GLI3: variants seen among roughly 807,000 people sequenced by gnomAD.
The protein encoded by GLI3 is transcription activator GLI3.
In GLI3, 20 loss-of-function variants were observed where a neutral mutation model predicts 100.8. The observed-to-expected ratio is 0.20, with a 90% confidence interval of 0.14 to 0.29. The LOEUF is 0.29. Ranked by LOEUF, GLI3 falls within the 10% of genes least tolerant of loss-of-function variation. The pLI is 1.00. For missense variants in GLI3, 2,040 were observed against 2,128.5 expected (o/e 0.96, Z 0.82); for synonymous variants, 938 against 860.5 (o/e 1.09, Z -1.58).
chr7:42,108,693 C>T (rs1167953772), intron 3 of GLI3, among the ~76,000 whole-genome samples: 1 of 151,958 alleles, frequency 6.6e-6, no homozygotes, highest in Non-Finnish European at 1.5e-5. Context: ...TAGCATAAGC[C>T]ACACACACAA....
At chr7:41,999,690 G>A (rs886795206) in intron 10 of GLI3, among the ~76,000 whole-genome samples, 4 of 152,200 alleles carry the variant, frequency 2.6e-5, no homozygotes, top group African/African-American at 7.2e-5. Context: ...GCCACTCCTT[G>A]GCGACCTTGA....
chr7:42,182,666 ATATATATATATATATACACATGTGTG>A lies in GLI3; in HGVS notation c.125-34224_125-34199del, dbSNP rs1179766307. On this transcript the variant is annotated intron_variant, in intron 2 of 14. Transcript: ENST00000395925. Reference sequence around the variant, plus strand: ...TGTGTATATATATATATATATATATATATATATATATATATACACATGTGTGTATATATATATACACACATATAAAT... The same window carrying A: ...TGTGTATATATATATATATATATATATATATATATATACACACATATAAAT... Among the ~76,000 whole-genome samples, 253 of 79,134 alleles carry A rather than the reference ATATATATATATATATACACATGTGTG, an allele frequency of 3.2e-3. 2 individuals carry two copies. Among genetic ancestry groups the A allele is most frequent in the Non-Finnish European group, 4.3e-3 (166 of 38,710 alleles). The allele number at this position is 79,134 out of a possible 152,430, so 51.9% of individuals were successfully genotyped here. A position where few individuals can be genotyped will look rare whatever the true frequency, so the allele number is the denominator to read the frequency against.
At chr7:41,980,894 G>A (rs1353250886) in intron 10 of GLI3, among the ~76,000 whole-genome samples, 1 of 152,194 alleles carries the variant, frequency 6.6e-6, no homozygotes, top group Non-Finnish European at 1.5e-5. Context: ...AGGGAAACAG[G>A]TCATGGCTTA....
intron 3 of GLI3, among the ~76,000 whole-genome samples, chr7:42,119,723 A>G (rs1439798884): frequency 6.6e-6 from 1 of 152,238 alleles, no homozygotes; most frequent in African/African-American, 2.4e-5. Flanking sequence ...CAATCAGCAG[A>G]AATCTACTAA....
At chr7:42,143,037 AT>A (rs1786611023) in intron 3 of GLI3, among the ~76,000 whole-genome samples, 3 of 152,024 alleles carry the variant, frequency 2.0e-5, no homozygotes, top group Admixed American at 1.3e-4. Flanking sequence ...ATTCTATTGA[AT>A]TTCTAAGAGA....
Position 42,182,644 on chromosome 7 carries a change from GTATATATATATATATATATATATATA to G in GLI3, c.125-34202_125-34177del, listed in dbSNP as rs764864618. On this transcript the variant is annotated intron_variant, in intron 2 of 14. Coordinates refer to ENST00000395925, the MANE Select transcript of GLI3 (RefSeq NM_000168.6). ...TTTATATGCATATGTATATGTGTGTGTATATATATATATATATATATATATATATATATATATACACATGTGTGTAT... is the reference window on the plus strand; with the variant it reads ...TTTATATGCATATGTATATGTGTGTGTATATATATATACACATGTGTGTAT... Among the ~76,000 whole-genome samples the G allele has an allele frequency of 2.7e-3, 138 of 51,680 alleles. 7 individuals are homozygous for G. Among genetic ancestry groups the G allele is most frequent in the African/African-American group, 0.016 (126 of 7,764 alleles). 33.9% of individuals were successfully genotyped at this position (51,680 alleles called of 152,430 possible).
intron 1 of GLI3, among the ~76,000 whole-genome samples, chr7:42,258,466 C>G (rs1678498018): frequency 6.6e-6 from 1 of 152,248 alleles, no homozygotes; most frequent in Middle Eastern, 3.4e-3. Context: ...ATCTGTTGCC[C>G]TCCATGAGTT....
Position 41,972,467 on chromosome 7 carries a change from C to A in GLI3, c.1973G>T (p.Ser658Ile), listed in dbSNP as rs1787390486. The change falls in exon 13 of 15, where the codon AGC becomes ATC. Residue 658 changes from serine to isoleucine, a missense_variant. Ser to Ile is a moderately radical substitution (Grantham distance 142). Transcript: ENST00000395925. This position sits in a 1 kb window ranked among gnomAD's most constrained non-coding sequence, Gnocchi z 4.4. ...PRPPPPRDSG[S>I]HSQSRSPGRP... ...GCCAGGCGACCTGGACTGTGAATGG[C>A]TGCCGGAATCTCTCGGGGGTGGCGG... The A allele has an allele frequency of 6.2e-7, 1 of 1,613,778 alleles. No individual in the cohort carries two copies. The highest frequency in any genetic ancestry group is 8.5e-7 in the Non-Finnish European group (1 of 1,180,002).
intron 2 of GLI3, among the ~76,000 whole-genome samples, chr7:42,182,318 G>A (rs2128682565): frequency 6.6e-6 from 1 of 152,010 alleles, no homozygotes; most frequent in East Asian, 1.9e-4. Context: ...TGTTGCGCAG[G>A]ACAGCTTTAG....
At chr7:42,251,270 G>A (rs1204138818) in intron 1 of GLI3, among the ~76,000 whole-genome samples, 1 of 152,194 alleles carries the variant, frequency 6.6e-6, no homozygotes, top group Non-Finnish European at 1.5e-5. Context: ...GTTTTGGGAT[G>A]AAACTTTCTA....
chr7:42,162,791 C>G (rs1787156372), intron 2 of GLI3, among the ~76,000 whole-genome samples: 1 of 152,068 alleles, frequency 6.6e-6, no homozygotes, highest in South Asian at 2.1e-4. Flanking sequence ...TTAGCAACCA[C>G]TGCAACTTCA....
At chr7:41,996,040 T>C (rs879768051) in intron 10 of GLI3, among the ~76,000 whole-genome samples, 6 of 152,208 alleles carry the variant, frequency 3.9e-5, no homozygotes, top group Non-Finnish European at 8.8e-5. Flanking sequence ...ATTTGCTCTG[T>C]TTTGATCCCA....
intron 12 of GLI3, among the ~76,000 whole-genome samples, chr7:41,973,542 G>A (rs910625535): frequency 5.3e-5 from 8 of 152,126 alleles, no homozygotes; most frequent in African/African-American, 1.7e-4. Context: ...GACCAACATC[G>A]GATTTGTGAG....
At chr7:42,020,638 G>A (rs1788909158) in intron 10 of GLI3, among the ~76,000 whole-genome samples, 1 of 152,170 alleles carries the variant, frequency 6.6e-6, no homozygotes, top group Non-Finnish European at 1.5e-5. Context: ...CTCTCTCCAA[G>A]GAAAGTCACA....
intron 2 of GLI3, among the ~76,000 whole-genome samples, chr7:42,156,336 A>G (rs1412611692): frequency 6.6e-6 from 1 of 152,212 alleles, no homozygotes; most frequent in South Asian, 2.1e-4. Context: ...ACACAGAGTG[A>G]GTTAATTAGT....
At chr7:42,139,749 C>T (rs960800185) in intron 3 of GLI3, among the ~76,000 whole-genome samples, 1 of 152,218 alleles carries the variant, frequency 6.6e-6, no homozygotes, top group African/African-American at 2.4e-5. Context: ...AATGAGACAG[C>T]AGCCCAGCCA....
chr7:41,980,322 T>C (rs1025014841), intron 10 of GLI3, among the ~76,000 whole-genome samples: 2 of 152,198 alleles, frequency 1.3e-5, no homozygotes, highest in African/African-American at 4.8e-5. Flanking sequence ...AGAGAACAGA[T>C]GTTCTGGACA....
chr7:42,043,702 G>C (rs1481097047), intron 6 of GLI3, among the ~76,000 whole-genome samples: 1 of 152,116 alleles, frequency 6.6e-6, no homozygotes, highest in African/African-American at 2.4e-5. Flanking sequence ...CCTTTAATTA[G>C]TTTTTACAAA....
intron 3 of GLI3, among the ~76,000 whole-genome samples, chr7:42,105,097 G>T (rs1355453260): frequency 6.6e-6 from 1 of 152,144 alleles, no homozygotes; most frequent in Non-Finnish European, 1.5e-5. Context: ...GAGGAAACTG[G>T]GGTTCAAACA....
Sources: gnomAD v4.1 joint callset for allele counts (sites outside exome capture counted in the v4.1 genomes callset) on GRCh38, gnomAD v4.1.1 for gene constraint, Gnocchi (gnomAD v3.1) non-coding constraint, MANE v1.5 for transcripts, NCBI Gene and HGNC (gene_info 2026-07-23, HGNC 2026-07-21) for gene names.